Variants in SV2C observed in about 807,000 individuals in gnomAD.
The protein encoded by SV2C is solute carrier family 22 member B3.
Under a neutral mutation model 79.7 loss-of-function variants are expected in SV2C, and 49 were observed. That is an observed-to-expected ratio of 0.61 (90% CI 0.49 to 0.78). The LOEUF (loss-of-function observed/expected upper bound fraction) is 0.78. Among genes scored for constraint, SV2C ranks in the 30% least tolerant of loss-of-function variants. The pLI, the probability that SV2C is intolerant of heterozygous loss-of-function variation, is 0.00. For synonymous variants in SV2C, 334 were observed against 333.2 expected, an observed-to-expected ratio of 1.00 and a Z score of -0.03; for missense variants, 833 against 912.9, an observed-to-expected ratio of 0.91 and a Z score of 1.13.
intron 4 of SV2C, among the ~76,000 whole-genome samples, chr5:76,274,821 G>A (rs1421254448): frequency 1.3e-5 from 2 of 151,936 alleles, no homozygotes; most frequent in Non-Finnish European, 2.9e-5. Flanking sequence ...TCCAGCCAAG[G>A]ATTAATGTTT....
At chr5:75,905,656 T>G in the SV2C span, among the ~76,000 whole-genome samples, 1 of 152,094 alleles carries the variant, frequency 6.6e-6, no homozygotes, top group Non-Finnish European at 1.5e-5. Context: ...GCTGGTGGTG[T>G]CAGGTGGTTC....
the SV2C span, among the ~76,000 whole-genome samples, chr5:75,963,125 A>G: frequency 6.6e-6 from 1 of 152,164 alleles, no homozygotes; most frequent in Non-Finnish European, 1.5e-5. Flanking sequence ...AAGGAAGGTC[A>G]GACTGACAGA....
chr5:76,278,970 C>T (rs1747102644), intron 4 of SV2C, among the ~76,000 whole-genome samples: 2 of 152,140 alleles, frequency 1.3e-5, no homozygotes. Flanking sequence ...AGAACCTGTG[C>T]AGTGCCATGG....
At chr5:75,941,215 T>C in the SV2C span, among the ~76,000 whole-genome samples, 43 of 152,324 alleles carry the variant, frequency 2.8e-4, no homozygotes, top group Non-Finnish European at 8.8e-5. Flanking sequence ...CTTTCATCAT[T>C]ACTTCTCGCT....
At chr5:75,883,552 T>C in the SV2C span, among the ~76,000 whole-genome samples, 4 of 146,316 alleles carry the variant, frequency 2.7e-5, no homozygotes, top group Non-Finnish European at 4.4e-5. Context: ...ATGGATGAAA[T>C]TGGAAATCAT....
At chr5:75,871,114 A>G in the SV2C span, among the ~76,000 whole-genome samples, 1 of 152,236 alleles carries the variant, frequency 6.6e-6, no homozygotes, top group Non-Finnish European at 1.5e-5. Flanking sequence ...TTTATATAAT[A>G]TGCCAATAGA....
chr5:76,062,184 T>A, the SV2C span, among the ~76,000 whole-genome samples: 1 of 152,168 alleles, frequency 6.6e-6, no homozygotes, highest in Non-Finnish European at 1.5e-5. Flanking sequence ...GATGGTATTA[T>A]GGTTTGAATG....
the SV2C span, among the ~76,000 whole-genome samples, chr5:76,013,529 A>G: frequency 1.9e-4 from 29 of 152,290 alleles, no homozygotes; most frequent in African/African-American, 6.7e-4. Flanking sequence ...ACTTTTCTAA[A>G]TATACAATCA....
At chr5:76,111,992 G>T (rs1402571321) in intron 1 of SV2C, among the ~76,000 whole-genome samples, 2 of 152,140 alleles carry the variant, frequency 1.3e-5, no homozygotes, top group African/African-American at 4.8e-5. Context: ...CATATCAAAG[G>T]CTCTGAGAAG....
chr5:76,285,358 T>C (rs927325603), intron 5 of SV2C, 63 bp downstream of exon 5: 25 of 1,592,038 alleles, frequency 1.6e-5, no homozygotes, highest in Non-Finnish European at 2.1e-5. Context: ...TCCTTGTTAA[T>C]TCTAGGAAAG....
At chr5:75,908,400 C>A in the SV2C span, among the ~76,000 whole-genome samples, 1 of 152,202 alleles carries the variant, frequency 6.6e-6, no homozygotes, top group Non-Finnish European at 1.5e-5. Context: ...GTACGTCATT[C>A]CTTTTTATGG....
At chr5:75,906,239 G>A in the SV2C span, among the ~76,000 whole-genome samples, 2 of 152,098 alleles carry the variant, frequency 1.3e-5, no homozygotes, top group African/African-American at 2.4e-5. Context: ...CTGGCCTCCA[G>A]AACTGTGAGA....
At chr5:76,208,981 C>A (rs1744690128) in intron 3 of SV2C, among the ~76,000 whole-genome samples, 1 of 152,182 alleles carries the variant, frequency 6.6e-6, no homozygotes, top group South Asian at 2.1e-4. Context: ...AGCACCCTTA[C>A]CCTGGGTAGA....
chr5:76,327,496 A>G lies in SV2C; in HGVS notation c.*1949A>G, dbSNP rs1017677863. ...ACAAAGACAGCAGTCAAACAACCCAAGAAAGTACCCTGTATGTTTTTCTTC... is the reference window on the plus strand; with the variant it reads ...ACAAAGACAGCAGTCAAACAACCCAGGAAAGTACCCTGTATGTTTTTCTTC... On this transcript the variant is annotated 3_prime_UTR_variant, in exon 13 of 13. Transcript: ENST00000502798. 6.6e-6 allele frequency: 1 copy of G among 152,218 alleles called. No homozygotes were observed. Among genetic ancestry groups the G allele is most frequent in the East Asian group, 1.9e-4 (1 of 5,198 alleles). 9.4% of individuals were successfully genotyped at this position (152,218 alleles called of 1,614,324 possible).
the SV2C span, among the ~76,000 whole-genome samples, chr5:75,986,191 G>A: frequency 1.7e-4 from 25 of 151,318 alleles, no homozygotes; most frequent in Admixed American, 9.2e-4. Context: ...ATGTTACCTT[G>A]TATGCTAAAG....
intron 9 of SV2C, 38 bp from the exon 10 acceptor site, chr5:76,298,756 G>GTC: frequency 6.2e-7 from 1 of 1,607,694 alleles, no homozygotes; most frequent in African/African-American, 1.3e-5. Context: ...GATGGACACA[G>GTC]TCATTGATTG....
At chr5:75,945,864 G>A in the SV2C span, among the ~76,000 whole-genome samples, 1 of 152,162 alleles carries the variant, frequency 6.6e-6, no homozygotes, top group South Asian at 2.1e-4. Flanking sequence ...GGAAATTAGA[G>A]TGTATTTTGA....
chr5:76,247,274 T>A (rs1745973814), intron 4 of SV2C, among the ~76,000 whole-genome samples: 1 of 152,120 alleles, frequency 6.6e-6, no homozygotes, highest in Admixed American at 6.5e-5. Context: ...TCTTATGACC[T>A]GCCGTGTGCA....
chr5:76,227,412 G>T (rs1195071757), intron 4 of SV2C, among the ~76,000 whole-genome samples: 1 of 152,176 alleles, frequency 6.6e-6, no homozygotes. Context: ...CCCCTGTCTG[G>T]CTCAAAGGGG....
Sources: gnomAD v4.1 joint callset for allele counts (sites outside exome capture counted in the v4.1 genomes callset) on GRCh38, gnomAD v4.1.1 for gene constraint, MANE v1.5 for transcripts, NCBI Gene and HGNC (gene_info 2026-07-23, HGNC 2026-07-21) for gene names.